The following EXT1 variants were observed in gnomAD, a reference collection of about 807,000 sequenced individuals.
The protein encoded by EXT1 is exostosin-1.
Under a neutral mutation model 82.5 loss-of-function variants are expected in EXT1, and 20 were observed. The observed-to-expected ratio is 0.24, with a 90% CI of 0.17 to 0.35. The LOEUF (loss-of-function observed/expected upper bound fraction) is 0.35, where lower values mean the gene tolerates loss of function less well. Ranked by LOEUF, EXT1 falls within the 10% of genes least tolerant of loss-of-function variation. The pLI is 1.00. For missense variants in EXT1, 757 were observed against 936.5 expected (o/e 0.81, Z 2.50); for synonymous variants, 348 against 350.8 (o/e 0.99, Z 0.09).
At chr8:117,891,188 G>A (rs994627431) in intron 1 of EXT1, among the ~76,000 whole-genome samples, 1 of 152,216 alleles carries the variant, frequency 6.6e-6, no homozygotes, top group Non-Finnish European at 1.5e-5. Flanking sequence ...TGGAAAATAA[G>A]TTCCTTTTCC....
intron 1 of EXT1, among the ~76,000 whole-genome samples, chr8:118,073,694 GAAGA>G (rs1563647849): frequency 1.5e-5 from 2 of 130,816 alleles, no homozygotes; most frequent in Non-Finnish European, 3.4e-5. Flanking sequence ...GAAGAGAAGA[GAAGA>G]GAAGAGAAGC....
intron 1 of EXT1, among the ~76,000 whole-genome samples, chr8:117,988,804 A>G (rs996304934): frequency 7.9e-5 from 12 of 152,230 alleles, no homozygotes; most frequent in African/African-American, 2.9e-4. Context: ...CTGTGGACAG[A>G]TGAGCACAGG....
chr8:117,812,837 A>C (rs377386107), intron 8 of EXT1, 35 bp downstream of exon 8: 2 of 1,581,348 alleles, frequency 1.3e-6, no homozygotes, highest in Non-Finnish European at 1.7e-6. Flanking sequence ...CTGCCTGAAC[A>C]GCCCACCTGC....
chr8:117,930,152 G>A (rs1231490872), intron 1 of EXT1, among the ~76,000 whole-genome samples: 1 of 151,744 alleles, frequency 6.6e-6, no homozygotes, highest in South Asian at 2.1e-4. Context: ...TTTGCCAAAT[G>A]GGTGATCTTG....
chr8:117,848,747 C>A (rs918486095), intron 1 of EXT1, among the ~76,000 whole-genome samples: 1 of 152,150 alleles, frequency 6.6e-6, no homozygotes, highest in Non-Finnish European at 1.5e-5. Flanking sequence ...TAATCCCATT[C>A]CTCCTTCAGC....
chr8:117,882,774 C>T (rs12541851), intron 1 of EXT1, among the ~76,000 whole-genome samples: 19,848 of 151,528 alleles, frequency 0.13, 1,337 homozygotes, highest in Middle Eastern at 0.17. Flanking sequence ...GACAAGAGTC[C>T]GATACCATAC....
At chr8:117,900,971 A>C (rs1813436783) in intron 1 of EXT1, among the ~76,000 whole-genome samples, 1 of 152,222 alleles carries the variant, frequency 6.6e-6, no homozygotes, top group African/African-American at 2.4e-5. Context: ...TACTTGGGTA[A>C]ACCCTGTACA....
intron 1 of EXT1, among the ~76,000 whole-genome samples, chr8:117,998,413 G>A (rs1815592082): frequency 1.3e-5 from 2 of 152,206 alleles, no homozygotes; most frequent in South Asian, 2.1e-4. Context: ...GGGCTCAAGC[G>A]ACTTTCCCAC....
At chr8:118,053,192 C>T (rs996635644) in intron 1 of EXT1, among the ~76,000 whole-genome samples, 8 of 152,102 alleles carry the variant, frequency 5.3e-5, no homozygotes, top group African/African-American at 1.9e-4. Flanking sequence ...GGCTATGACA[C>T]GAGGTCTCAA....
chr8:118,092,141 T>C (rs1817536071), intron 1 of EXT1, among the ~76,000 whole-genome samples: 1 of 152,220 alleles, frequency 6.6e-6, no homozygotes, highest in Non-Finnish European at 1.5e-5. Context: ...AGGAAAATAA[T>C]GCAGAGAAAA....
intron 1 of EXT1, among the ~76,000 whole-genome samples, chr8:118,086,528 T>C (rs1817421984): frequency 6.6e-6 from 1 of 152,200 alleles, no homozygotes. Flanking sequence ...TCAAAAATGG[T>C]ATTTCCAGTA....
chr8:117,821,118 G>A (rs1157583065), intron 5 of EXT1, among the ~76,000 whole-genome samples: 1 of 152,226 alleles, frequency 6.6e-6, no homozygotes, highest in East Asian at 1.9e-4. Context: ...GCAACACAGT[G>A]CAGGGACATT....
chr8:117,893,127 G>C (rs1007346922), intron 1 of EXT1, among the ~76,000 whole-genome samples: 4 of 152,240 alleles, frequency 2.6e-5, no homozygotes, highest in African/African-American at 9.6e-5. Flanking sequence ...CAGAAGGCAA[G>C]AATGGATTGA....
intron 1 of EXT1, among the ~76,000 whole-genome samples, chr8:117,893,519 G>A (rs983023638): frequency 1.3e-5 from 2 of 152,154 alleles, no homozygotes; most frequent in African/African-American, 4.8e-5. Flanking sequence ...TGGAATTTGG[G>A]CAGTGAGGCA....
Position 117,795,867 on chromosome 8 carries a change from A to C in EXT1, c.*3845T>G, listed in dbSNP as rs1198177294. 1 of 152,190 alleles carries C rather than the reference A, an allele frequency of 6.6e-6. No individual in the cohort carries two copies. The highest frequency in any genetic ancestry group is 1.5e-5 in the Non-Finnish European group (1 of 68,034). 9.4% of individuals were successfully genotyped at this position (152,190 alleles called of 1,614,324 possible). A position where few individuals can be genotyped will look rare whatever the true frequency, so the allele number is the denominator to read the frequency against. ...TCTTTATGCTGAAGTTCTTATACCA[A>C]GTGAGACAAGTTTAGCACAGTTTGA... On this transcript the variant is annotated 3_prime_UTR_variant, in exon 11 of 11. Transcript: ENST00000378204.
chr8:117,814,743 G>A (rs1287454885), intron 7 of EXT1, among the ~76,000 whole-genome samples: 1 of 152,172 alleles, frequency 6.6e-6, no homozygotes, highest in Non-Finnish European at 1.5e-5. Flanking sequence ...ACAAAGGCCA[G>A]GGAAAGAAGC....
At chr8:117,889,443 A>G (rs1327845091) in intron 1 of EXT1, among the ~76,000 whole-genome samples, 1 of 152,144 alleles carries the variant, frequency 6.6e-6, no homozygotes. Flanking sequence ...GCATTTTTTT[A>G]ATCTATAAGC....
intron 1 of EXT1, among the ~76,000 whole-genome samples, chr8:118,096,606 AG>A (rs1563654791): frequency 1.3e-5 from 1 of 75,384 alleles, no homozygotes. Context: ...AAAGGAAGGA[AG>A]GAAGGAAGGA....
intron 1 of EXT1, among the ~76,000 whole-genome samples, chr8:117,986,023 G>C (rs1337438809): frequency 6.6e-6 from 1 of 152,040 alleles, no homozygotes; most frequent in East Asian, 1.9e-4. Flanking sequence ...GTGTATTCTT[G>C]ACTTTTTTTT....
Sources: allele counts gnomAD v4.1 joint callset (sites outside exome capture counted in the v4.1 genomes callset), GRCh38; gene constraint gnomAD v4.1.1; transcripts MANE v1.5; gene names NCBI Gene and HGNC (gene_info 2026-07-23, HGNC 2026-07-21).